PRR12: variants seen among roughly 807,000 people sequenced by gnomAD.
The protein encoded by PRR12 is proline-rich protein 12.
A neutral mutation model predicts 138.0 loss-of-function variants in PRR12; 12 were observed. The observed-to-expected ratio is 0.09, with a 90% CI of 0.06 to 0.14. The LOEUF (loss-of-function observed/expected upper bound fraction) is 0.14, where lower values mean the gene tolerates loss of function less well. Ranked by LOEUF, PRR12 falls within the 10% of genes least tolerant of loss-of-function variation. The pLI is 1.00. For missense variants in PRR12, 2,692 were observed against 2,861.3 expected (o/e 0.94, Z 1.35); for synonymous variants, 1,567 against 1,291.7 (o/e 1.21, Z -4.57).
Position 49,595,693 on chromosome 19 carries a change from G to T in PRR12, c.1358G>T (p.Gly453Val), listed in dbSNP as rs757023310. Residue 453 changes from glycine (G) to valine (V), a missense_variant, in exon 4 of 14, where the codon GGA becomes GTA. This residue lies in a region of PRR12 where 523 missense variants were observed against 496.4 expected (regional missense o/e 1.05). Transcript: ENST00000418929. The part of the protein sequence containing the change: ...YSPGQPQGLL[G>V]PQAYGQGFGG... The stretch of plus-strand genomic sequence containing the variant: ...CCCGGTCAGCCTCAAGGGCTTCTGG[G>T]ACCCCAGGCCTACGGGCAAGGGTTT... The T allele has an allele frequency of 5.0e-6, 8 of 1,593,658 alleles. No homozygotes were observed. Among genetic ancestry groups the T allele is most frequent in the Non-Finnish European group, 6.8e-6 (8 of 1,170,602 alleles).
chr19:49,591,605 T>TCCCCCCCCCCCCCC lies in PRR12; in HGVS notation c.-47_-46insCCCCCCCCCCCCCC. 7.8e-6 allele frequency: 1 copy of TCCCCCCCCCCCCCC among 127,726 alleles called. No homozygotes were observed. The highest frequency in any genetic ancestry group is 9.3e-5 in the South Asian group (1 of 10,790). 7.9% of individuals were successfully genotyped at this position (127,726 alleles called of 1,614,324 possible). A position where few individuals can be genotyped will look rare whatever the true frequency, so the allele number is the denominator to read the frequency against. On this transcript the variant is annotated 5_prime_UTR_variant, in exon 1 of 14. Transcript: ENST00000418929. ...CGGAGGAGAGCGCGCGCGCGCCCCC[T>TCCCCCCCCCCCCCC]CCCTCCCTCCCTCCCTCCCCCTCCC...
chr19:49,615,146 A>C, intron 8 of PRR12, 137 bp downstream of exon 8: 1 of 1,274,466 alleles, frequency 7.8e-7, no homozygotes, highest in Non-Finnish European at 1.1e-6. Context: ...AGAGGGGGAC[A>C]GAGACCCGGA....
At chr19:49,619,959 C>G (rs909894283) in intron 9 of PRR12, among the ~76,000 whole-genome samples, 13 of 147,754 alleles carry the variant, frequency 8.8e-5, no homozygotes, top group African/African-American at 3.3e-4. Context: ...GGGTTCAAGC[C>G]GTCCTACCTC....
In PRR12 at chr19:49,614,367, T is replaced by C. The variant is rs1169344614; in HGVS notation, c.4774-166T>C. ...GGAGGCGACAGGGTCAAGTTCAAGC[T>C]GTACACAGAGCTGAACACATCATGG... On this transcript the variant is annotated intron_variant, in intron 6 of 13. Coordinates refer to ENST00000418929, the MANE Select transcript of PRR12 (RefSeq NM_020719.3). The surrounding 1 kb of genome is among the most constrained non-coding windows in gnomAD (Gnocchi z 5.0). Among the ~76,000 whole-genome samples the C allele has an allele frequency of 6.6e-6, 1 of 152,144 alleles. No homozygotes were observed. The highest frequency in any genetic ancestry group is 1.5e-5 in the Non-Finnish European group (1 of 68,026).
At chr19:49,611,739 C>T (rs1229883454) in intron 6 of PRR12, among the ~76,000 whole-genome samples, 25 of 129,280 alleles carry the variant, frequency 1.9e-4, no homozygotes, top group South Asian at 7.6e-4. Context: ...CTGGCTAACG[C>T]GGTGAAACCC....
At chr19:49,607,542 C>CA (rs1283049920) in intron 6 of PRR12, among the ~76,000 whole-genome samples, 3 of 151,556 alleles carry the variant, frequency 2.0e-5, no homozygotes, top group East Asian at 3.9e-4. Context: ...GCCCCCCCTA[C>CA]AAAAAAATAA....
chr19:49,611,124 G>C (rs1449894665), intron 6 of PRR12, among the ~76,000 whole-genome samples: 4 of 152,062 alleles, frequency 2.6e-5, no homozygotes, highest in African/African-American at 9.7e-5. Flanking sequence ...TTACAGGCAT[G>C]AGCCACTGCG....
Position 49,624,880 on chromosome 19 carries a change from C to G in PRR12, c.5758C>G (p.Gln1920Glu). The G allele has an allele frequency of 6.2e-7, 1 of 1,611,568 alleles. No individual in the cohort carries two copies. Among genetic ancestry groups the G allele is most frequent in the African/African-American group, 1.3e-5 (1 of 74,942 alleles). ...LHTFPQLQVE[Q>E]SGEGSPEEGA... Reference sequence around the variant, plus strand: ...CACGTTCCCACAGCTGCAAGTGGAGCAGAGTGGGGAGGGCTCTCCGGAAGA... The same window carrying G: ...CACGTTCCCACAGCTGCAAGTGGAGGAGAGTGGGGAGGGCTCTCCGGAAGA... The change falls in exon 12 of 14, where the codon CAG (glutamine) becomes GAG (glutamate). Residue 1920 changes from glutamine (Q) to glutamate (E), a missense_variant. Around this residue, in one of 11 missense-constraint regions of PRR12, gnomAD observed 116 missense variants for 243.4 expected, o/e 0.48. Coordinates refer to ENST00000418929, the MANE Select transcript of PRR12 (RefSeq NM_020719.3).
intron 6 of PRR12, among the ~76,000 whole-genome samples, chr19:49,610,560 T>TTTTTTTTTTTTA (rs1222859731): frequency 6.0e-5 from 9 of 149,956 alleles, no homozygotes; most frequent in South Asian, 2.1e-4. Flanking sequence ...TTTTTTTTTT[T>TTTTTTTTTTTTA]GAGATGGAGT....
In PRR12 at chr19:49,597,788, C is replaced by A. The variant is rs751315809; in HGVS notation, c.3453C>A (p.Gly1151=). 7.8e-5 allele frequency: 124 copies of A among 1,581,452 alleles called. No homozygotes were observed. The highest frequency in any genetic ancestry group is 1.0e-4 in the Non-Finnish European group (118 of 1,164,536). Residue 1151 remains glycine, a synonymous_variant, in exon 4 of 14, where the codon GGC becomes GGA. Coordinates refer to ENST00000418929, the MANE Select transcript of PRR12 (RefSeq NM_020719.3). This position sits in a 1 kb window ranked among gnomAD's most constrained non-coding sequence, Gnocchi z 6.3. ...DFCPPNPGPD[G]PRRRGRKPTK... The stretch of plus-strand genomic sequence containing the variant: ...GCCCACCCAACCCAGGACCCGATGG[C>A]CCCCGGCGCCGTGGCCGCAAGCCCA...
In PRR12 at chr19:49,597,527, C is replaced by T. The variant is rs771238621; in HGVS notation, c.3192C>T (p.Phe1064=). ...EPKGGLTSPI[F]CSTKPKKLLK... is the part of the protein sequence containing the mutation. ...AGGGTGGCCTCACCTCGCCCATCTT[C>T]TGCTCTACCAAGCCAAAGAAGCTGC... Residue 1064 remains phenylalanine (F), a synonymous_variant, in exon 4 of 14, where the codon TTC becomes TTT. Coordinates refer to ENST00000418929, the MANE Select transcript of PRR12 (RefSeq NM_020719.3). The surrounding 1 kb of genome is among the most constrained non-coding windows in gnomAD (Gnocchi z 6.3). The T allele has an allele frequency of 5.8e-6, 9 of 1,564,668 alleles. No homozygotes were observed. The African/African-American group carries it at 6.8e-5, about 12-fold the overall frequency.
intron 6 of PRR12, among the ~76,000 whole-genome samples, chr19:49,610,344 C>G (rs904430101): frequency 6.6e-6 from 1 of 152,142 alleles, no homozygotes; most frequent in Non-Finnish European, 1.5e-5. Context: ...TACATCCGCA[C>G]TGCTTACACC....
At position 49,597,573 on chromosome 19, in the gene PRR12, C is replaced by T. The variant is rs995039065; in HGVS notation, c.3238C>T (p.Leu1080=). The T allele has an allele frequency of 4.4e-6, 7 of 1,602,352 alleles. No homozygotes were observed. Among genetic ancestry groups the T allele is most frequent in the Non-Finnish European group, 4.3e-6 (5 of 1,175,936 alleles). The change falls in exon 4 of 14, where the codon CTG becomes TTG. Residue 1080 remains leucine (L), a synonymous_variant. Transcript: ENST00000418929. The surrounding 1 kb of genome is among the most constrained non-coding windows in gnomAD (Gnocchi z 6.3). ...KKLLKTSSFH[L]LRRRDPPFQT... is the part of the protein sequence containing the mutation. ...GCTGCTCAAGACATCCTCCTTCCAC[C>T]TGCTGCGGCGCCGCGACCCACCCTT...
At chr19:49,624,806 C>T (rs374374261) in intron 11 of PRR12, 38 bp from the exon 12 acceptor site, 2 of 1,599,480 alleles carry the variant, frequency 1.3e-6, no homozygotes, top group Non-Finnish European at 1.7e-6. Flanking sequence ...GTTTATGGAT[C>T]CAGGGCAGCA....
Position 49,602,101 on chromosome 19 carries a change from T to C in PRR12, c.4773+183T>C, listed in dbSNP as rs535701681. Among the ~76,000 whole-genome samples, 41 of 152,322 alleles carry C rather than the reference T, an allele frequency of 2.7e-4. No individual in the cohort carries two copies. The South Asian group carries it at 7.7e-3, about 28-fold the overall frequency. On this transcript the variant is annotated intron_variant, in intron 6 of 13. Coordinates refer to ENST00000418929, the MANE Select transcript of PRR12 (RefSeq NM_020719.3). The stretch of plus-strand genomic sequence containing the variant: ...GGACCTGCGGGCCTCAGAGGTGTTA[T>C]TTGCGTTTGTGTCTGTACATGCATT...
rs2080728535 is a variant in PRR12, at chr19:49,591,726, G to A, written c.72G>A (p.Arg24=). Reference sequence around the variant, plus strand: ...CCGGGGCGGGATGGAGTTACGAGAGGTCAGCGAAAGCTAGGTAAGGAGCTG... The same window carrying A: ...CCGGGGCGGGATGGAGTTACGAGAGATCAGCGAAAGCTAGGTAAGGAGCTG... The part of the protein sequence containing the change: ...LGAGAGWSYE[R]SAKASLVYGS... Residue 24 remains arginine, a synonymous_variant, in exon 1 of 14, where the codon AGG becomes AGA. Transcript: ENST00000418929. The A allele has an allele frequency of 1.3e-6, 2 of 1,501,932 alleles. No homozygotes were observed. Among genetic ancestry groups the A allele is most frequent in the South Asian group, 2.5e-5 (2 of 78,644 alleles). 93.0% of individuals were successfully genotyped at this position (1,501,932 alleles called of 1,614,324 possible).
intron 6 of PRR12, among the ~76,000 whole-genome samples, chr19:49,605,992 T>C (rs1390552419): frequency 6.6e-6 from 1 of 152,158 alleles, no homozygotes; most frequent in Non-Finnish European, 1.5e-5. Context: ...CTGCCACTTA[T>C]TATTATTTTT....
Position 49,597,149 on chromosome 19 carries a change from G to C in PRR12, c.2814G>C (p.Leu938Phe), listed in dbSNP as rs776168382. 6.4e-7 allele frequency: 1 copy of C among 1,551,786 alleles called. No homozygotes were observed. The highest frequency in any genetic ancestry group is 1.2e-5 in the South Asian group (1 of 84,178). The change falls in exon 4 of 14, where the codon TTG (leucine) becomes TTC (phenylalanine). Residue 938 changes from leucine to phenylalanine, a missense_variant. By Grantham distance (22) the Leu-to-Phe change is conservative (BLOSUM62 0). Transcript: ENST00000418929. This position sits in a 1 kb window ranked among gnomAD's most constrained non-coding sequence, Gnocchi z 6.3. ...CCTCCATCTGCTTCCCTGACTCCTT[G>C]CTCCAAGACGAGGAGCGCAGCTTCT... ...PLTSICFPDS[L>F]LQDEERSFFP...
At chr19:49,613,292 G>A (rs1419299636) in intron 6 of PRR12, among the ~76,000 whole-genome samples, 3 of 137,968 alleles carry the variant, frequency 2.2e-5, no homozygotes, top group Non-Finnish European at 4.5e-5. Flanking sequence ...CCGAGATTGC[G>A]CCCCTGCACT....
Sources: gnomAD v4.1 joint callset for allele counts (sites outside exome capture counted in the v4.1 genomes callset) on GRCh38, gnomAD v4.1.1 for gene constraint, gnomAD v4.1.1 regional missense constraint, Gnocchi (gnomAD v3.1) non-coding constraint, MANE v1.5 for transcripts, NCBI Gene and HGNC (gene_info 2026-07-23, HGNC 2026-07-21) for gene names.